Variants in BBS9 observed in about 807,000 individuals in gnomAD.
BBS9 encodes the protein protein PTHB1.
In BBS9, 89 loss-of-function variants were observed where a neutral mutation model predicts 117.7. The observed-to-expected ratio is 0.76, with a 90% CI of 0.64 to 0.90. BBS9 has a LOEUF of 0.90. Ranked by LOEUF, BBS9 falls within the 40% of genes least tolerant of loss-of-function variation. The probability of loss-of-function intolerance (pLI) is 0.00; values close to 1 mark genes in which losing one functional copy is unlikely to be tolerated. For synonymous variants in BBS9, 379 were observed against 370.9 expected (o/e 1.02, Z -0.25); for missense variants, 982 against 1,042.2 (o/e 0.94, Z 0.80).
chr7:33,434,949 A>G (rs569594475), intron 19 of BBS9, among the ~76,000 whole-genome samples: 66 of 152,288 alleles, frequency 4.3e-4, no homozygotes, highest in African/African-American at 1.3e-3. Flanking sequence ...TTGTGACTCC[A>G]TTACTTCATT....
At chr7:33,529,083 G>A (rs192015093) in intron 20 of BBS9, among the ~76,000 whole-genome samples, 1 of 152,312 alleles carries the variant, frequency 6.6e-6, no homozygotes, top group African/African-American at 2.4e-5. Context: ...AATTCAGTCA[G>A]GAGGAGCAGA....
At chr7:33,440,360 A>G (rs1347512083) in intron 19 of BBS9, among the ~76,000 whole-genome samples, 1 of 152,230 alleles carries the variant, frequency 6.6e-6, no homozygotes, top group Non-Finnish European at 1.5e-5. Flanking sequence ...TTCTTAGTTC[A>G]GCACAGAGTA....
chr7:33,427,434 T>G (rs529401475), intron 19 of BBS9, among the ~76,000 whole-genome samples: 1 of 152,334 alleles, frequency 6.6e-6, no homozygotes, highest in Admixed American at 6.5e-5. Flanking sequence ...CAGTCTGGAC[T>G]ATTGACTTTC....
chr7:33,405,986 C>G (rs1228945983), intron 19 of BBS9, among the ~76,000 whole-genome samples: 2 of 152,138 alleles, frequency 1.3e-5, no homozygotes, highest in East Asian at 1.9e-4. Context: ...GCATTTAGTG[C>G]TATAAATTTC....
At chr7:33,634,013 A>G (rs1264796035) in intron 21 of BBS9, among the ~76,000 whole-genome samples, 1 of 152,222 alleles carries the variant, frequency 6.6e-6, no homozygotes, top group Non-Finnish European at 1.5e-5. Flanking sequence ...GGGAATCCGT[A>G]GCTGACTCAA....
intron 21 of BBS9, among the ~76,000 whole-genome samples, chr7:33,552,124 G>C (rs1854527582): frequency 6.6e-6 from 1 of 151,994 alleles, no homozygotes; most frequent in Non-Finnish European, 1.5e-5. Context: ...TCATATTATT[G>C]TTTTATCTTT....
chr7:33,546,510 A>G (rs184738391), intron 21 of BBS9, among the ~76,000 whole-genome samples: 1 of 152,302 alleles, frequency 6.6e-6, no homozygotes, highest in East Asian at 1.9e-4. Flanking sequence ...TTAAATTGAA[A>G]TTTCTAAGCC....
chr7:33,293,233 T>G lies in BBS9; in HGVS notation c.1016+19277T>G, dbSNP rs1165950412. Among the ~76,000 whole-genome samples, 3 of 152,010 alleles carry G rather than the reference T, an allele frequency of 2.0e-5. 1 individual carries two copies. The South Asian group carries it at 6.2e-4, about 31-fold the overall frequency. On this transcript the variant is annotated intron_variant, in intron 9 of 22. Transcript: ENST00000242067. ...ATTAAACTTGAATACATGCATATTA[T>G]CATTTTCCACATAAAATATGTAATT...
At chr7:33,427,164 A>C (rs1472979793) in intron 19 of BBS9, among the ~76,000 whole-genome samples, 1 of 152,190 alleles carries the variant, frequency 6.6e-6, no homozygotes, top group Non-Finnish European at 1.5e-5. Flanking sequence ...GAACTGGCAC[A>C]AATGCTGATG....
intron 9 of BBS9, 41 bp from the exon 10 acceptor site, chr7:33,336,400 G>A: frequency 1.3e-6 from 2 of 1,556,170 alleles, no homozygotes; most frequent in Non-Finnish European, 1.8e-6. Context: ...TAACTCTACT[G>A]AAATTTAAAA....
intron 5 of BBS9, chr7:33,242,980 T>G: frequency 1.9e-6 from 1 of 518,844 alleles, no homozygotes; most frequent in Non-Finnish European, 3.8e-6. Context: ...TTCTTGAGCC[T>G]TAGGTCTCTC....
At chr7:33,371,032 AG>A (rs537145188) in intron 17 of BBS9, among the ~76,000 whole-genome samples, 77 of 152,212 alleles carry the variant, frequency 5.1e-4, no homozygotes, top group Non-Finnish European at 9.3e-4. Context: ...ATGATCAAAA[AG>A]GTGCTAGTCA....
chr7:33,243,005 A>T, intron 5 of BBS9: 1 of 518,096 alleles, frequency 1.9e-6, no homozygotes, highest in Non-Finnish European at 3.9e-6. Flanking sequence ...GTAAATGAGG[A>T]CAATAATTCT....
At chr7:33,375,546 G>A (rs1409960753) in intron 17 of BBS9, among the ~76,000 whole-genome samples, 1 of 150,056 alleles carries the variant, frequency 6.7e-6, no homozygotes, top group Non-Finnish European at 1.5e-5. Flanking sequence ...AAATGTTGTT[G>A]TGTTTATAAA....
intron 19 of BBS9, among the ~76,000 whole-genome samples, chr7:33,472,466 T>C (rs1841176873): frequency 6.6e-6 from 1 of 152,190 alleles, no homozygotes. Context: ...TATCTAATTC[T>C]AGTAAATGGG....
At chr7:33,408,300 A>G (rs143597738) in intron 19 of BBS9, among the ~76,000 whole-genome samples, 1 of 152,168 alleles carries the variant, frequency 6.6e-6, no homozygotes, top group South Asian at 2.1e-4. Flanking sequence ...AAAGTGCAGT[A>G]TTAGGGTGGG....
At chr7:33,390,241 A>G (rs1826825229) in intron 19 of BBS9, 1 of 985,322 alleles carries the variant, frequency 1.0e-6, no homozygotes, top group African/African-American at 1.7e-5. Flanking sequence ...TTGTAGACAC[A>G]ATGGTGGAAG....
chr7:33,232,091 A>G (rs1394340499), intron 5 of BBS9, among the ~76,000 whole-genome samples: 1 of 152,128 alleles, frequency 6.6e-6, no homozygotes, highest in Non-Finnish European at 1.5e-5. Context: ...TTAGATCTGA[A>G]TTAGAATTTA....
At chr7:33,502,787 C>T (rs1175009687) in intron 19 of BBS9, among the ~76,000 whole-genome samples, 1 of 152,198 alleles carries the variant, frequency 6.6e-6, no homozygotes, top group East Asian at 1.9e-4. Flanking sequence ...TAGAGTGAGA[C>T]ACACTCCAGA....
Sources: allele counts gnomAD v4.1 joint callset (sites outside exome capture counted in the v4.1 genomes callset), GRCh38; gene constraint gnomAD v4.1.1; transcripts MANE v1.5; gene names NCBI Gene and HGNC (gene_info 2026-07-23, HGNC 2026-07-21).